The following NFKB1 variants were observed in gnomAD, a reference collection of about 807,000 sequenced individuals.
The protein encoded by NFKB1 is nuclear factor NF-kappa-B p105 subunit.
In NFKB1, 9 loss-of-function variants were observed where a neutral mutation model predicts 105.1. That is an observed-to-expected ratio of 0.09 (90% CI 0.05 to 0.15). NFKB1 has a LOEUF of 0.15. NFKB1 is among the 10% of genes least tolerant of loss of function. The pLI is 1.00. For synonymous variants in NFKB1, 440 were observed against 442.2 expected, an observed-to-expected ratio of 1.00 and a Z score of 0.06; for missense variants, 830 against 1,203.7, an observed-to-expected ratio of 0.69 and a Z score of 4.59.
chr4:102,516,263 T>TAAAA (rs1161361415), intron 1 of NFKB1, among the ~76,000 whole-genome samples: 1 of 152,112 alleles, frequency 6.6e-6, no homozygotes, highest in Non-Finnish European at 1.5e-5. Context: ...AGCAGAGAGA[T>TAAAA]CTTTGAGATT....
At chr4:102,611,328 G>C (rs1728390752) in intron 20 of NFKB1, among the ~76,000 whole-genome samples, 1 of 122,906 alleles carries the variant, frequency 8.1e-6, no homozygotes. Flanking sequence ...CCCACAGCCT[G>C]TATGTGTCCA....
intron 4 of NFKB1, 145 bp from the exon 5 acceptor site, chr4:102,537,713 T>G: frequency 2.0e-6 from 1 of 495,454 alleles, no homozygotes; most frequent in Non-Finnish European, 3.6e-6. Flanking sequence ...AAGTGATTCT[T>G]GTTTACGGAG....
intron 4 of NFKB1, among the ~76,000 whole-genome samples, chr4:102,537,169 T>G (rs1741697152): frequency 1.3e-5 from 2 of 152,182 alleles, no homozygotes. Context: ...CCAGCTAACT[T>G]CATTAATTAA....
chr4:102,602,391 T>C (rs1356761107), intron 16 of NFKB1, among the ~76,000 whole-genome samples: 9 of 149,116 alleles, frequency 6.0e-5, no homozygotes, highest in African/African-American at 2.2e-4. Flanking sequence ...AAAAAAAAAA[T>C]TAGCCAGGCA....
At chr4:102,609,720 C>T (rs1304267659) in intron 19 of NFKB1, among the ~76,000 whole-genome samples, 1 of 151,636 alleles carries the variant, frequency 6.6e-6, no homozygotes, top group Non-Finnish European at 1.5e-5. Flanking sequence ...CATTTATTGC[C>T]TCATAGATCA....
In NFKB1 at chr4:102,549,736, A is replaced by G. The variant is rs1722431137; in HGVS notation, c.258+11780A>G. ...CTGCCTCATAGCTTCCCCTTTCCGG[A>G]ATGTGGTTGCTCCATCCTTCCAGTT... On this transcript the variant is annotated intron_variant, in intron 5 of 23. Coordinates refer to ENST00000226574, the MANE Select transcript of NFKB1 (RefSeq NM_003998.4). Among the ~76,000 whole-genome samples the G allele has an allele frequency of 3.3e-5, 5 of 152,122 alleles. No individual in the cohort carries two copies. In the South Asian group the frequency reaches 8.3e-4, roughly 25 times the overall value.
chr4:102,577,976 G>C, intron 7 of NFKB1: 1 of 985,378 alleles, frequency 1.0e-6, no homozygotes, highest in Non-Finnish European at 1.2e-6. Flanking sequence ...TCCAAATTCT[G>C]TAAGTTGGCT....
chr4:102,538,000 T>G, intron 5 of NFKB1, 44 bp downstream of exon 5: 1 of 1,243,988 alleles, frequency 8.0e-7, no homozygotes, highest in Non-Finnish European at 1.2e-6. Flanking sequence ...TCTGGAAATT[T>G]TGATTTCCTA....
chr4:102,594,050 A>C (rs567936031), intron 12 of NFKB1, among the ~76,000 whole-genome samples: 1 of 152,300 alleles, frequency 6.6e-6, no homozygotes, highest in African/African-American at 2.4e-5. Flanking sequence ...TTTACCCTGA[A>C]TACAGCTGTG....
At chr4:102,507,030 ATATAAT>A (rs1312437252) in intron 1 of NFKB1, among the ~76,000 whole-genome samples, 29 of 147,146 alleles carry the variant, frequency 2.0e-4, no homozygotes, top group African/African-American at 2.5e-5. Context: ...TTTGTAACTA[ATATAAT>A]TATATTTAAT....
chr4:102,505,114 A>G (rs1739343274), intron 1 of NFKB1, among the ~76,000 whole-genome samples: 1 of 152,190 alleles, frequency 6.6e-6, no homozygotes, highest in African/African-American at 2.4e-5. Context: ...AAATTAATAT[A>G]CTGTCTTTTA....
chr4:102,596,912 A>G (rs1726662156), intron 14 of NFKB1, among the ~76,000 whole-genome samples: 1 of 152,058 alleles, frequency 6.6e-6, no homozygotes, highest in African/African-American at 2.4e-5. Flanking sequence ...TGTGGTGTCT[A>G]TCACATATGC....
intron 1 of NFKB1, among the ~76,000 whole-genome samples, chr4:102,512,043 A>T (rs544036213): frequency 6.6e-6 from 1 of 152,352 alleles, no homozygotes; most frequent in East Asian, 1.9e-4. Context: ...CACCAGCGGG[A>T]ACTCTGCTGT....
intron 5 of NFKB1, among the ~76,000 whole-genome samples, chr4:102,550,227 T>C (rs546808949): frequency 6.6e-6 from 1 of 152,302 alleles, no homozygotes; most frequent in East Asian, 1.9e-4. Context: ...TATGTCTTTT[T>C]GATATGTCCC....
chr4:102,559,129 A>G (rs1490828502), intron 5 of NFKB1, among the ~76,000 whole-genome samples: 1 of 152,206 alleles, frequency 6.6e-6, no homozygotes, highest in Non-Finnish European at 1.5e-5. Context: ...AAGAACAGTG[A>G]GAAACTGATG....
Position 102,563,929 on chromosome 4 carries a change from C to G in NFKB1, c.259-3058C>G, listed in dbSNP as rs142035771. ...CTCCACCTCCTGGGTTCAAGTGATT[C>G]TCCTGCCGCCTGCCGAATAGCTGGG... On this transcript the variant is annotated intron_variant, in intron 5 of 23. Transcript: ENST00000226574. 5.6e-3 allele frequency among the ~76,000 whole-genome samples: 830 copies of G among 149,070 alleles called. 12 individuals carry two copies. Among genetic ancestry groups the G allele is most frequent in the African/African-American group, 0.02 (792 of 40,346 alleles).
chr4:102,615,676 T>G (rs556831324), intron 23 of NFKB1, among the ~76,000 whole-genome samples: 1 of 152,376 alleles, frequency 6.6e-6, no homozygotes, highest in South Asian at 2.1e-4. Context: ...GCATAGTTTG[T>G]AACCCATAAT....
chr4:102,605,494 T>G (rs551450301), intron 16 of NFKB1, among the ~76,000 whole-genome samples: 1 of 152,308 alleles, frequency 6.6e-6, no homozygotes, highest in South Asian at 2.1e-4. Context: ...ATAGTTAGGC[T>G]CCTGTGAAAT....
At chr4:102,607,366 T>A in intron 18 of NFKB1, 47 bp downstream of exon 18, 6 of 1,572,332 alleles carry the variant, frequency 3.8e-6, no homozygotes, top group African/African-American at 1.4e-5. Context: ...CTGAGGGAGA[T>A]TTAAGGAAAT....
Sources: gnomAD v4.1 joint callset for allele counts (sites outside exome capture counted in the v4.1 genomes callset) on GRCh38, gnomAD v4.1.1 for gene constraint, MANE v1.5 for transcripts, NCBI Gene and HGNC (gene_info 2026-07-23, HGNC 2026-07-21) for gene names.